Variants in TSPOAP1 observed in about 807,000 individuals in gnomAD.
TSPOAP1 encodes TSPO associated protein 1, also known as peripheral-type benzodiazepine receptor-associated protein 1.
A neutral mutation model predicts 197.0 loss-of-function variants in TSPOAP1; 87 were observed. The ratio of observed to expected loss-of-function variants is 0.44; its 90% CI spans 0.37 to 0.53. TSPOAP1 has a LOEUF of 0.53. TSPOAP1 is among the 20% of genes least tolerant of loss of function. The pLI is 0.00. For synonymous variants in TSPOAP1, 913 were observed against 998.9 expected (o/e 0.91, Z 1.62); for missense variants, 2,174 against 2,411.3 (o/e 0.90, Z 2.06).
At chr17:58,315,147 T>C (rs1318057388) in intron 16 of TSPOAP1, among the ~76,000 whole-genome samples, 3 of 152,292 alleles carry the variant, frequency 2.0e-5, no homozygotes, top group East Asian at 3.9e-4. Context: ...TCTACCCCTG[T>C]AGGGAGTTTA....
At chr17:58,308,457 G>T in intron 22 of TSPOAP1, 84 bp downstream of exon 22, 1 of 1,481,350 alleles carries the variant, frequency 6.8e-7, no homozygotes, top group Non-Finnish European at 8.9e-7. Context: ...AGGCAGCGTG[G>T]AATGGGAGCT....
At chr17:58,307,182 C>T (rs371074455) in intron 24 of TSPOAP1, among the ~76,000 whole-genome samples, 5 of 152,214 alleles carry the variant, frequency 3.3e-5, no homozygotes, top group Non-Finnish European at 7.3e-5. Context: ...TCTACATGGC[C>T]ATGCCCTTTG....
rs1227285803 is a variant in TSPOAP1 at position 58,319,105 on chromosome 17, C to T, written c.1684G>A (p.Gly562Arg). The change falls in exon 13 of 32, where the codon GGG (glycine) becomes AGG (arginine). Residue 562 changes from glycine to arginine, a missense_variant. Physicochemically the swap from Gly to Arg is moderately radical, Grantham distance 125. Coordinates refer to ENST00000343736, the MANE Select transcript of TSPOAP1 (RefSeq NM_004758.4). ...TCCACCTTACCTTTGGGGCCAGACC[C>T]CCGGCAAGGCTGGGGAATGGAGCAG... ...CCCSIPQPCRGSGPKDLDLPP... is the reference protein window; with the variant it reads ...CCCSIPQPCRRSGPKDLDLPP... 19 of 1,536,894 alleles carry T rather than the reference C, an allele frequency of 1.2e-5. No homozygotes were observed. The highest frequency in any genetic ancestry group is 1.7e-5 in the Non-Finnish European group (19 of 1,135,774).
At position 58,308,726 on chromosome 17, in the gene TSPOAP1, T is replaced by A; in HGVS notation, c.4546A>T (p.Ile1516Phe). Residue 1516 changes from isoleucine (I) to phenylalanine (F), a missense_variant, in exon 22 of 32, where the codon ATC becomes TTC. Ile to Phe is a conservative substitution (Grantham distance 21). Transcript: ENST00000343736. ...EQEAGSGGISITSSCYPGDGE... is the reference protein window; with the variant it reads ...EQEAGSGGISFTSSCYPGDGE... ...TCTCCAGGGTAGCAGGAGCTGGTGATGCTGATGCCCCCGCTGCCCGCCTCC... is the reference window on the plus strand; with the variant it reads ...TCTCCAGGGTAGCAGGAGCTGGTGAAGCTGATGCCCCCGCTGCCCGCCTCC... The A allele has an allele frequency of 6.2e-7, 1 of 1,613,040 alleles. No homozygotes were observed.
At chr17:58,312,784 A>C (rs754245107) in intron 16 of TSPOAP1, 62 bp from the exon 17 acceptor site, 408 of 1,398,530 alleles carry the variant, frequency 2.9e-4, no homozygotes, top group Non-Finnish European at 3.0e-4. Flanking sequence ...TAAAGAAAAA[A>C]CGGTATAATA....
At position 58,309,838 on chromosome 17, in the gene TSPOAP1, G is replaced by C; in HGVS notation, c.3891+129C>G. ...GGGGCACTTCCTATCTTCTGCTTAG[G>C]ACAGGGCCCAGGCCACAGACCTAGA... is the stretch of plus-strand genomic sequence containing the variant. On this transcript the variant is annotated intron_variant, in intron 21 of 31. Transcript: ENST00000343736. The surrounding 1 kb of genome is among the most constrained non-coding windows in gnomAD (Gnocchi z 5.0). 2 of 1,273,352 alleles carry C rather than the reference G, an allele frequency of 1.6e-6. No individual in the cohort carries two copies. The highest frequency in any genetic ancestry group is 1.1e-6 in the Non-Finnish European group (1 of 926,338). 78.9% of individuals were successfully genotyped at this position (1,273,352 alleles called of 1,614,324 possible).
In TSPOAP1 at chr17:58,325,613, A is replaced by T; in HGVS notation, c.671T>A (p.Leu224Gln). The change falls in exon 4 of 32, where the codon CTG becomes CAG. Residue 224 changes from leucine (L) to glutamine (Q), a missense_variant. This residue lies in a region of TSPOAP1 where 1,933 missense variants were observed against 2,139.0 expected (regional missense o/e 0.90). Coordinates refer to ENST00000343736, the MANE Select transcript of TSPOAP1 (RefSeq NM_004758.4). ...AGCAATCTGCTTGTCCTTGGCCAGC[A>T]GTGCACTGGCTGTCTCACTGAGGTC... ...ARDLSETASA[L>Q]LAKDKQIAAL... The T allele has an allele frequency of 1.2e-6, 2 of 1,613,686 alleles. No homozygotes were observed. Among genetic ancestry groups the T allele is most frequent in the South Asian group, 2.2e-5 (2 of 91,078 alleles).
Position 58,324,837 on chromosome 17 carries a change from C to T in TSPOAP1, c.916G>A (p.Ala306Thr). ...TCTCCCGGGGCCCCGGGAGCAGGCG[C>T]CCCTGCTCTGGCCTGGAGAGCAGGG... ...PGPALQARAGAPAPGAPGEAT... is the reference protein window; with the variant it reads ...PGPALQARAGTPAPGAPGEAT... Residue 306 changes from alanine to threonine, a missense_variant, in exon 5 of 32, where the codon GCG (alanine) becomes ACG (threonine). Ala to Thr is a moderately conservative substitution (Grantham distance 58). Transcript: ENST00000343736. This position sits in a 1 kb window ranked among gnomAD's most constrained non-coding sequence, Gnocchi z 5.8. 6.7e-7 allele frequency: 1 copy of T among 1,503,310 alleles called. No individual in the cohort carries two copies. The highest frequency in any genetic ancestry group is 8.9e-7 in the Non-Finnish European group (1 of 1,128,428). The allele number at this position is 1,503,310 out of a possible 1,614,324, so 93.1% of individuals were successfully genotyped here. A position where few individuals can be genotyped will look rare whatever the true frequency, so the allele number is the denominator to read the frequency against.
chr17:58,324,489 G>A lies in TSPOAP1; in HGVS notation c.942+322C>T, dbSNP rs1186734498. Among the ~76,000 whole-genome samples, 3 of 151,852 alleles carry A rather than the reference G, an allele frequency of 2.0e-5. No homozygotes were observed. Among genetic ancestry groups the A allele is most frequent in the African/African-American group, 4.8e-5 (2 of 41,406 alleles). On this transcript the variant is annotated intron_variant, in intron 5 of 31. Coordinates refer to ENST00000343736, the MANE Select transcript of TSPOAP1 (RefSeq NM_004758.4). The surrounding 1 kb of genome is among the most constrained non-coding windows in gnomAD (Gnocchi z 5.8). ...GAGGAGGCGGCGCGGGCTGGGCCCCGGGCGGCTGCCAGGACAACCAGGGAT... is the reference window on the plus strand; with the variant it reads ...GAGGAGGCGGCGCGGGCTGGGCCCCAGGCGGCTGCCAGGACAACCAGGGAT...
At chr17:58,306,775 G>A in intron 25 of TSPOAP1, 25 bp downstream of exon 25, 3 of 1,595,930 alleles carry the variant, frequency 1.9e-6, no homozygotes, top group Non-Finnish European at 2.6e-6. Flanking sequence ...GTGGGAGGTG[G>A]GTGAGGGACA....
In TSPOAP1 at chr17:58,311,873, A is replaced by G; in HGVS notation, c.2929+19T>C. The G allele has an allele frequency of 1.3e-6, 2 of 1,516,118 alleles. No homozygotes were observed. The highest frequency in any genetic ancestry group is 2.6e-5 in the South Asian group (2 of 76,532). 93.9% of individuals were successfully genotyped at this position (1,516,118 alleles called of 1,614,324 possible). A position where few individuals can be genotyped will look rare whatever the true frequency, so the allele number is the denominator to read the frequency against. ...TGGCCTCCTGGGTGTTCTGGACAAC[A>G]GGGCCCAAGCCCACATACCTGCTGG... On this transcript the variant is annotated intron_variant, in intron 17 of 31. Coordinates refer to ENST00000343736, the MANE Select transcript of TSPOAP1 (RefSeq NM_004758.4).
Position 58,325,575 on chromosome 17 carries a change from C to G in TSPOAP1, c.709G>C (p.Glu237Gln), listed in dbSNP as rs1181976930. 1.2e-6 allele frequency: 2 copies of G among 1,613,130 alleles called. No individual in the cohort carries two copies. The highest frequency in any genetic ancestry group is 1.7e-5 in the Admixed American group (1 of 60,024). Residue 237 changes from glutamate to glutamine, a missense_variant, in exon 4 of 32, where the codon GAG becomes CAG. This residue lies in a region of TSPOAP1 where 1,933 missense variants were observed against 2,139.0 expected (regional missense o/e 0.90). Coordinates refer to ENST00000343736, the MANE Select transcript of TSPOAP1 (RefSeq NM_004758.4). ...KDKQIAALQR[E>Q]CRELQARLTL... ...AGCCTGGCCTGCAGCTCCCTGCACTCCCGCTGCAAGGCAGCAATCTGCTTG... is the reference window on the plus strand; with the variant it reads ...AGCCTGGCCTGCAGCTCCCTGCACTGCCGCTGCAAGGCAGCAATCTGCTTG...
Position 58,328,177 on chromosome 17 carries a change from G to A in TSPOAP1, c.-257C>T, listed in dbSNP as rs1017767721. ...TGTGTGCGCGAGTATGTGGAGGAGCGAGGGTGTCCCTGTGGGGGTAGGGAG... is the reference window on the plus strand; with the variant it reads ...TGTGTGCGCGAGTATGTGGAGGAGCAAGGGTGTCCCTGTGGGGGTAGGGAG... On this transcript the variant is annotated 5_prime_UTR_variant, in exon 1 of 32. Coordinates refer to ENST00000343736, the MANE Select transcript of TSPOAP1 (RefSeq NM_004758.4). The surrounding 1 kb of genome is among the most constrained non-coding windows in gnomAD (Gnocchi z 4.3). 7.4e-6 allele frequency: 4 copies of A among 537,590 alleles called. No homozygotes were observed. Among genetic ancestry groups the A allele is most frequent in the Admixed American group, 3.2e-5 (1 of 31,712 alleles). The allele number at this position is 537,590 out of a possible 1,614,324, so 33.3% of individuals were successfully genotyped here.
Position 58,312,108 on chromosome 17 carries a change from C to T in TSPOAP1, c.2713G>A (p.Gly905Ser), listed in dbSNP as rs547251993. Residue 905 changes from glycine (G) to serine (S), a missense_variant, in exon 17 of 32, where the codon GGC (glycine) becomes AGC (serine). By Grantham distance (56) the Gly-to-Ser change is moderately conservative. Transcript: ENST00000343736. Reference protein sequence around the residue: ...ATSAEITWVPGNSNLAHAIYL... With the variant: ...ATSAEITWVPSNSNLAHAIYL... Reference sequence around the variant, plus strand: ...ATGGCATGGGCCAAGTTGCTATTGCCGGGCACCCAGGTGATCTCAGCAGAT... The same window carrying T: ...ATGGCATGGGCCAAGTTGCTATTGCTGGGCACCCAGGTGATCTCAGCAGAT... The T allele has an allele frequency of 2.7e-5, 43 of 1,613,350 alleles. No individual in the cohort carries two copies. The highest frequency in any genetic ancestry group is 2.2e-4 in the Admixed American group (13 of 60,032).
At position 58,304,934 on chromosome 17, in the gene TSPOAP1, C is replaced by T. The variant is rs1052591527; in HGVS notation, c.5544+127G>A. The T allele has an allele frequency of 7.9e-6, 6 of 757,646 alleles. No individual in the cohort carries two copies. The highest frequency in any genetic ancestry group is 1.4e-5 in the South Asian group (1 of 69,808). 46.9% of individuals were successfully genotyped at this position (757,646 alleles called of 1,614,324 possible). On this transcript the variant is annotated intron_variant, in intron 30 of 31. Coordinates refer to ENST00000343736, the MANE Select transcript of TSPOAP1 (RefSeq NM_004758.4). The surrounding 1 kb of genome is among the most constrained non-coding windows in gnomAD (Gnocchi z 4.2). ...CTCTGGTGGTCAATTAGCGGCTGCA[C>T]GCTGGACACAGTGCTTACCTGCATG...
intron 11 of TSPOAP1, 32 bp from the exon 12 acceptor site, chr17:58,320,161 AG>A (rs1971362702): frequency 6.2e-7 from 1 of 1,613,986 alleles, no homozygotes; most frequent in African/African-American, 1.3e-5. Flanking sequence ...AGAACAGGTT[AG>A]AACCCTGAGC....
chr17:58,325,815 G>T (rs1971577574), intron 3 of TSPOAP1, 102 bp from the exon 4 acceptor site: 2 of 1,321,152 alleles, frequency 1.5e-6, no homozygotes, highest in Non-Finnish European at 2.0e-6. Context: ...AAACCTAGGG[G>T]GGTAGCCACC....
Position 58,312,045 on chromosome 17 carries a change from T to C in TSPOAP1, c.2776A>G (p.Ser926Gly). The C allele has an allele frequency of 6.2e-7, 1 of 1,613,490 alleles. No homozygotes were observed. Among genetic ancestry groups the C allele is most frequent in the Non-Finnish European group, 8.5e-7 (1 of 1,179,944 alleles). ...NGEECPPASPSTYWATFCHLR... is the reference protein window; with the variant it reads ...NGEECPPASPGTYWATFCHLR... The stretch of plus-strand genomic sequence containing the variant: ...TGGCAGAAGGTGGCCCAGTAGGTAC[T>C]GGGGCTGGCAGGTGGGCACTCTTCC... The change falls in exon 17 of 32, where the codon AGT becomes GGT. Residue 926 changes from serine (S) to glycine (G), a missense_variant. Ser to Gly is a moderately conservative substitution (Grantham distance 56). Around this residue, in one of 5 missense-constraint regions of TSPOAP1, gnomAD observed 1,933 missense variants for 2,139.0 expected, o/e 0.90. Coordinates refer to ENST00000343736, the MANE Select transcript of TSPOAP1 (RefSeq NM_004758.4).
intron 16 of TSPOAP1, among the ~76,000 whole-genome samples, chr17:58,315,113 G>T (rs905335554): frequency 1.3e-5 from 2 of 152,060 alleles, no homozygotes; most frequent in Non-Finnish European, 2.9e-5. Flanking sequence ...TTTCCTGAAA[G>T]CTTTTTAATT....
Sources: gnomAD v4.1 joint callset for allele counts (sites outside exome capture counted in the v4.1 genomes callset) on GRCh38, gnomAD v4.1.1 for gene constraint, gnomAD v4.1.1 regional missense constraint, Gnocchi (gnomAD v3.1) non-coding constraint, MANE v1.5 for transcripts, NCBI Gene and HGNC (gene_info 2026-07-23, HGNC 2026-07-21) for gene names.